GRK1: variants seen among roughly 807,000 people sequenced by gnomAD.
The protein encoded by GRK1 is G protein-coupled receptor kinase 1.
Under a neutral mutation model 41.7 loss-of-function variants are expected in GRK1, and 28 were observed. That is an observed-to-expected ratio of 0.67 (90% CI 0.50 to 0.92). GRK1 has a LOEUF of 0.92. Ranked by LOEUF, GRK1 falls within the 40% of genes least tolerant of loss-of-function variation. The pLI, the probability that GRK1 is intolerant of heterozygous loss-of-function variation, is 0.00. For synonymous variants in GRK1, 327 were observed against 286.7 expected, an observed-to-expected ratio of 1.14 and a Z score of -1.42; for missense variants, 703 against 671.2, an observed-to-expected ratio of 1.05 and a Z score of -0.52.
In GRK1 at chr13:113,731,504, G is replaced by A; in HGVS notation, c.1194+161G>A. ...TTCACGTGCTGGGGTCTTGCTCCTG[G>A]GCCATGCTGTTCTGTCTCAGTGGGT... On this transcript the variant is annotated intron_variant, in intron 5 of 6. Transcript: ENST00000335678. The surrounding 1 kb of genome is among the most constrained non-coding windows in gnomAD (Gnocchi z 5.6). The A allele has an allele frequency of 3.2e-6, 2 of 626,776 alleles. No individual in the cohort carries two copies. Among genetic ancestry groups the A allele is most frequent in the Non-Finnish European group, 4.0e-6 (2 of 502,234 alleles). The allele number at this position is 626,776 out of a possible 1,614,324, so 38.8% of individuals were successfully genotyped here.
intron 4 of GRK1, among the ~76,000 whole-genome samples, chr13:113,725,172 G>A (rs1419641491): frequency 9.6e-6 from 1 of 104,518 alleles, no homozygotes; most frequent in Non-Finnish European, 1.9e-5. Flanking sequence ...GCACCCTCGC[G>A]CCCTCCCACG....
the GRK1 span, among the ~76,000 whole-genome samples, chr13:113,650,875 G>A: frequency 6.6e-6 from 1 of 152,166 alleles, no homozygotes; most frequent in Non-Finnish European, 1.5e-5. This position sits in a 1 kb window ranked among gnomAD's most constrained non-coding sequence, Gnocchi z 5.0. Flanking sequence ...TGTGAGTGGG[G>A]CAAGCGAATG....
chr13:113,733,548 CGCGCACGTGTGT>C lies in GRK1; in HGVS notation c.1396+464_1396+475del, dbSNP rs1165343655. On this transcript the variant is annotated intron_variant, in intron 6 of 6. Transcript: ENST00000335678. ...GTGTGCGCGTGTGTGCATGCGTGTG[CGCGCACGTGTGT>C]CCATGTATGTGTATGTGTGTGCATA... is the stretch of plus-strand genomic sequence containing the variant. Among the ~76,000 whole-genome samples, 3 of 128,282 alleles carry C rather than the reference CGCGCACGTGTGT, an allele frequency of 2.3e-5. No homozygotes were observed. In the East Asian group the frequency reaches 6.9e-4, roughly 29 times the overall value. 84.2% of individuals were successfully genotyped at this position (128,282 alleles called of 152,430 possible). A position where few individuals can be genotyped will look rare whatever the true frequency, so the allele number is the denominator to read the frequency against.
chr13:113,658,190 G>T, the GRK1 span: 1 of 1,551,760 alleles, frequency 6.4e-7, no homozygotes. Flanking sequence ...CACCCTCTAC[G>T]CCCAGACTGA....
the GRK1 span, among the ~76,000 whole-genome samples, chr13:113,652,040 G>A: frequency 7.2e-5 from 11 of 152,292 alleles, no homozygotes; most frequent in South Asian, 2.1e-4. Flanking sequence ...GTCCAGGTCC[G>A]GTGGAGCACT....
At chr13:113,734,954 A>T in intron 6 of GRK1, 114 bp from the exon 7 acceptor site, 1 of 1,047,856 alleles carries the variant, frequency 9.5e-7, no homozygotes, top group Non-Finnish European at 1.3e-6. Flanking sequence ...CCTAAGGAAG[A>T]GCGGCCCCAG....
the GRK1 span, among the ~76,000 whole-genome samples, chr13:113,660,420 A>C: frequency 6.6e-6 from 1 of 152,226 alleles, no homozygotes; most frequent in African/African-American, 2.4e-5. Context: ...TTCTGGCCCC[A>C]CATGGTGTTA....
the GRK1 span, chr13:113,651,608 C>A: frequency 1.3e-6 from 2 of 1,491,752 alleles, no homozygotes; most frequent in East Asian, 2.5e-5. Context: ...CCAGCATGAA[C>A]CAGCACGACC....
At chr13:113,659,645 C>T in the GRK1 span, among the ~76,000 whole-genome samples, 2 of 151,760 alleles carry the variant, frequency 1.3e-5, no homozygotes, top group Non-Finnish European at 2.9e-5. Context: ...GTTGCCCAGA[C>T]TGGTTTAGAA....
chr13:113,665,566 G>A (rs972794272), upstream of GRK1, among the ~76,000 whole-genome samples: 2 of 150,592 alleles, frequency 1.3e-5, no homozygotes, highest in African/African-American at 2.5e-5. Context: ...TGTCTCAGGT[G>A]CATCCCAGGT....
At chr13:113,656,521 C>T in the GRK1 span, among the ~76,000 whole-genome samples, 1 of 152,282 alleles carries the variant, frequency 6.6e-6, no homozygotes, top group African/African-American at 2.4e-5. Context: ...CCCCCGCTTG[C>T]ACCACGGTGT....
At chr13:113,653,988 G>C in the GRK1 span, among the ~76,000 whole-genome samples, 1 of 152,164 alleles carries the variant, frequency 6.6e-6, no homozygotes, top group Non-Finnish European at 1.5e-5. Flanking sequence ...CAGGTCCTTA[G>C]GAACAGCCCG....
chr13:113,654,402 C>T, the GRK1 span, among the ~76,000 whole-genome samples: 1 of 152,134 alleles, frequency 6.6e-6, no homozygotes. Flanking sequence ...TGCTGGTCTC[C>T]CGGGTGTGCT....
chr13:113,650,600 C>CT, the GRK1 span: 1 of 923,120 alleles, frequency 1.1e-6, no homozygotes, highest in Non-Finnish European at 1.7e-6. This position sits in a 1 kb window ranked among gnomAD's most constrained non-coding sequence, Gnocchi z 5.0. Context: ...CACACACGCG[C>CT]TGTGTAGGTG....
rs1228396196 is a variant in GRK1, at chr13:113,671,232, C to T, written c.828-267C>T. ...GGTCTGGGCTGTTTCCTAGCACCTGCGGCCCGCGCTGGAAAGCAGGCGGAC... is the reference window on the plus strand; with the variant it reads ...GGTCTGGGCTGTTTCCTAGCACCTGTGGCCCGCGCTGGAAAGCAGGCGGAC... On this transcript the variant is annotated intron_variant, in intron 2 of 6. Transcript: ENST00000335678. This position sits in a 1 kb window ranked among gnomAD's most constrained non-coding sequence, Gnocchi z 4.1. Among the ~76,000 whole-genome samples the T allele has an allele frequency of 3.9e-5, 6 of 152,164 alleles. No individual in the cohort carries two copies. The highest frequency in any genetic ancestry group is 2.1e-4 in the South Asian group (1 of 4,818).
At chr13:113,658,470 C>T in the GRK1 span, among the ~76,000 whole-genome samples, 3 of 152,224 alleles carry the variant, frequency 2.0e-5, no homozygotes, top group African/African-American at 7.2e-5. Flanking sequence ...CACTCACAGG[C>T]CCTTCCCCTT....
At chr13:113,658,309 C>G in the GRK1 span, 1 of 662,906 alleles carries the variant, frequency 1.5e-6, no homozygotes, top group East Asian at 2.8e-5. Flanking sequence ...CGCCGGCCAT[C>G]GCCTCACCAA....
At position 113,733,586 on chromosome 13, in the gene GRK1, CGT is replaced by C. The variant is rs747650846; in HGVS notation, c.1396+509_1396+510del. Among the ~76,000 whole-genome samples, 405 of 145,434 alleles carry C rather than the reference CGT, an allele frequency of 2.8e-3. 2 individuals carry two copies. The highest frequency in any genetic ancestry group is 8.4e-3 in the African/African-American group (319 of 38,142). ...CCATGTATGTGTATGTGTGTGCATA[CGT>C]GTGTGTGCATGTGTGCGCATGTGTA... On this transcript the variant is annotated intron_variant, in intron 6 of 6. Coordinates refer to ENST00000335678, the MANE Select transcript of GRK1 (RefSeq NM_002929.3).
In GRK1 at chr13:113,727,759, TGAG is replaced by T. The variant is rs1441899340; in HGVS notation, c.1070-3456_1070-3454del. Among the ~76,000 whole-genome samples, 17 of 91,862 alleles carry T rather than the reference TGAG, an allele frequency of 1.9e-4. 1 individual carries two copies. 60.3% of individuals were successfully genotyped at this position (91,862 alleles called of 152,430 possible). On this transcript the variant is annotated intron_variant, in intron 4 of 6. Coordinates refer to ENST00000335678, the MANE Select transcript of GRK1 (RefSeq NM_002929.3). ...CCATGGCGATGAGGACCCATGGCGA[TGAG>T]GAGTACCCATGGCGATGAGGAGTAC... is the stretch of plus-strand genomic sequence containing the variant.
Sources: gnomAD v4.1 joint callset for allele counts (sites outside exome capture counted in the v4.1 genomes callset) on GRCh38, gnomAD v4.1.1 for gene constraint, Gnocchi (gnomAD v3.1) non-coding constraint, MANE v1.5 for transcripts, NCBI Gene and HGNC (gene_info 2026-07-23, HGNC 2026-07-21) for gene names.